Variants in TRAPPC9 observed in about 807,000 individuals in gnomAD.
TRAPPC9 encodes IKK2 binding protein.
Under a neutral mutation model 124.0 loss-of-function variants are expected in TRAPPC9, and 83 were observed. The ratio of observed to expected loss-of-function variants is 0.67; its 90% CI spans 0.56 to 0.80. TRAPPC9 has a LOEUF of 0.80. TRAPPC9 is among the 30% of genes least tolerant of loss of function. The pLI is 0.00. For synonymous variants in TRAPPC9, 638 were observed against 617.5 expected, an observed-to-expected ratio of 1.03 and a Z score of -0.49; for missense variants, 1,302 against 1,508.3, an observed-to-expected ratio of 0.86 and a Z score of 2.27.
At chr8:139,983,452 T>C (rs556256514) in intron 19 of TRAPPC9, among the ~76,000 whole-genome samples, 2 of 151,636 alleles carry the variant, frequency 1.3e-5, no homozygotes, top group South Asian at 4.3e-4. Flanking sequence ...CTATGTGCTC[T>C]GCATTCTCCT....
At chr8:139,760,663 T>C (rs1056126763) in intron 21 of TRAPPC9, among the ~76,000 whole-genome samples, 1 of 152,172 alleles carries the variant, frequency 6.6e-6, no homozygotes, top group African/African-American at 2.4e-5. Flanking sequence ...AGCCCTCAGG[T>C]GACATCTGAT....
chr8:140,202,600 A>C (rs2062819248), intron 17 of TRAPPC9, among the ~76,000 whole-genome samples: 1 of 152,232 alleles, frequency 6.6e-6, no homozygotes, highest in Admixed American at 6.5e-5. Context: ...TAAATCAGGC[A>C]AAGATTATCC....
intron 19 of TRAPPC9, chr8:139,933,840 C>T (rs1317364605): frequency 1.3e-5 from 2 of 152,142 alleles, no homozygotes; most frequent in Non-Finnish European, 2.9e-5. Flanking sequence ...GTGTGAGCTC[C>T]GGTAAATTAC....
chr8:140,053,616 T>G (rs1842123367), intron 17 of TRAPPC9, among the ~76,000 whole-genome samples: 1 of 152,234 alleles, frequency 6.6e-6, no homozygotes, highest in African/African-American at 2.4e-5. Context: ...ATTTCCTTCC[T>G]CATTTTCTGT....
intron 19 of TRAPPC9, among the ~76,000 whole-genome samples, chr8:139,983,976 C>G (rs1418458627): frequency 6.6e-6 from 1 of 152,178 alleles, no homozygotes; most frequent in Non-Finnish European, 1.5e-5. Context: ...GGGAAGTGCT[C>G]AGTAAATACT....
chr8:140,215,656 A>AC (rs2131282696), intron 17 of TRAPPC9, among the ~76,000 whole-genome samples: 1 of 151,744 alleles, frequency 6.6e-6, no homozygotes, highest in South Asian at 2.1e-4. Flanking sequence ...CGAAAAAAAA[A>AC]AAAAGGAAAA....
chr8:140,221,044 C>T (rs941390244), intron 17 of TRAPPC9, among the ~76,000 whole-genome samples: 3 of 152,178 alleles, frequency 2.0e-5, no homozygotes, highest in Non-Finnish European at 2.9e-5. Flanking sequence ...CACTTGCTAC[C>T]GGCATATCTG....
chr8:139,886,796 TG>T (rs1250290492), intron 20 of TRAPPC9, among the ~76,000 whole-genome samples: 6 of 152,020 alleles, frequency 3.9e-5, no homozygotes, highest in African/African-American at 1.5e-4. Flanking sequence ...GAAGGAAGGG[TG>T]GGCCACGCAC....
At chr8:140,240,672 A>C (rs1359436473) in intron 16 of TRAPPC9, among the ~76,000 whole-genome samples, 1 of 152,184 alleles carries the variant, frequency 6.6e-6, no homozygotes, top group Non-Finnish European at 1.5e-5. Context: ...TCCTGGGCTC[A>C]AGCAATCCTC....
chr8:139,816,976 A>AT (rs1259642699), intron 21 of TRAPPC9, among the ~76,000 whole-genome samples: 2 of 151,496 alleles, frequency 1.3e-5, no homozygotes, highest in Admixed American at 1.3e-4. Flanking sequence ...AGTGTATATT[A>AT]TCTTGCATTT....
intron 17 of TRAPPC9, among the ~76,000 whole-genome samples, chr8:140,085,338 T>TAA (rs11423500): frequency 0.37 from 53,210 of 143,038 alleles, 11,961 homozygotes; most frequent in East Asian, 0.54. Context: ...TCTTACTGTT[T>TAA]AAAAAAAAAA....
rs142808388 is a variant in TRAPPC9 at position 140,210,101 on chromosome 8, C to T, written c.2556+11358G>A. Among the ~76,000 whole-genome samples the T allele has an allele frequency of 1.6e-4, 25 of 152,366 alleles. No homozygotes were observed. In the East Asian group the frequency reaches 4.6e-3, roughly 28 times the overall value. ...GGCGTCACATCCCGAGCCTCTGTCT[C>T]GCTCTTCTTCTGGCCTCGGCCTGTT... On this transcript the variant is annotated intron_variant, in intron 17 of 22. Coordinates refer to ENST00000438773, the MANE Select transcript of TRAPPC9 (RefSeq NM_001160372.4).
At chr8:139,783,051 C>T (rs1454336056) in intron 21 of TRAPPC9, among the ~76,000 whole-genome samples, 1 of 152,002 alleles carries the variant, frequency 6.6e-6, no homozygotes, top group Non-Finnish European at 1.5e-5. Context: ...TAAAGCAATG[C>T]TTACAAGGAA....
intron 7 of TRAPPC9, among the ~76,000 whole-genome samples, chr8:140,380,567 A>G (rs2068573117): frequency 6.6e-6 from 1 of 151,178 alleles, no homozygotes; most frequent in South Asian, 2.1e-4. Flanking sequence ...AGGCAGGAGA[A>G]TCACTTGAAC....
intron 21 of TRAPPC9, among the ~76,000 whole-genome samples, chr8:139,782,540 G>A (rs1478664497): frequency 1.3e-5 from 2 of 152,140 alleles, no homozygotes; most frequent in Non-Finnish European, 2.9e-5. Context: ...AATTACATAC[G>A]TAATAACAGA....
chr8:139,778,795 A>G (rs910277124), intron 21 of TRAPPC9, among the ~76,000 whole-genome samples: 1 of 152,180 alleles, frequency 6.6e-6, no homozygotes, highest in African/African-American at 2.4e-5. Context: ...AAGTTGCTGA[A>G]CACAGCTGTA....
At chr8:139,850,640 A>C (rs1043187722) in intron 21 of TRAPPC9, among the ~76,000 whole-genome samples, 1 of 152,256 alleles carries the variant, frequency 6.6e-6, no homozygotes, top group African/African-American at 2.4e-5. Flanking sequence ...TGTGTCAATG[A>C]GTTGAACAAT....
chr8:140,355,970 C>T (rs779210601), intron 9 of TRAPPC9, among the ~76,000 whole-genome samples: 6 of 152,176 alleles, frequency 3.9e-5, no homozygotes, highest in Non-Finnish European at 8.8e-5. Context: ...GTGAACAAAG[C>T]TTAAAAATAT....
Position 140,246,904 on chromosome 8 carries a change from G to C in TRAPPC9, c.2431+5873C>G, listed in dbSNP as rs1333032819. Among the ~76,000 whole-genome samples the C allele has an allele frequency of 5.3e-5, 8 of 152,098 alleles. No individual in the cohort carries two copies. In the East Asian group the frequency reaches 1.3e-3, roughly 26 times the overall value. On this transcript the variant is annotated intron_variant, in intron 16 of 22. Coordinates refer to ENST00000438773, the MANE Select transcript of TRAPPC9 (RefSeq NM_001160372.4). ...GGAGGCTGAGGCAGGAGAATCACTTGAACCCGGGAAGAGGAGGTGGCAGTG... is the reference window on the plus strand; with the variant it reads ...GGAGGCTGAGGCAGGAGAATCACTTCAACCCGGGAAGAGGAGGTGGCAGTG...
Sources: gnomAD v4.1 joint callset for allele counts (sites outside exome capture counted in the v4.1 genomes callset) on GRCh38, gnomAD v4.1.1 for gene constraint, MANE v1.5 for transcripts, NCBI Gene and HGNC (gene_info 2026-07-23, HGNC 2026-07-21) for gene names.